The following IL1RAPL1 variants were observed in gnomAD, a reference collection of about 807,000 sequenced individuals.
The protein encoded by IL1RAPL1 is interleukin 1 receptor accessory protein like 1, also known as interleukin-1 receptor accessory protein-like 1.
A neutral mutation model predicts 48.4 loss-of-function variants in IL1RAPL1; 3 were observed. The ratio of observed to expected loss-of-function variants is 0.06; its 90% CI spans 0.03 to 0.16. The LOEUF (loss-of-function observed/expected upper bound fraction) is 0.16, where lower values mean the gene tolerates loss of function less well. Ranked by LOEUF, IL1RAPL1 falls within the 10% of genes least tolerant of loss-of-function variation. The pLI, the probability that IL1RAPL1 is intolerant of heterozygous loss-of-function variation, is 1.00. For missense variants in IL1RAPL1, 349 were observed against 530.6 expected (o/e 0.66, Z 3.36); for synonymous variants, 185 against 187.7 (o/e 0.99, Z 0.12).
intron 2 of IL1RAPL1, among the ~76,000 whole-genome samples, chrX:29,208,736 A>AATAATAAT (rs199568044): frequency 3.3e-4 from 27 of 81,651 alleles, no homozygotes; most frequent in African/African-American, 1.0e-3. Flanking sequence ...TAATAATAAT[A>AATAATAAT]AATAAATAAA....
chrX:29,759,099 A>G (rs1362258368), intron 6 of IL1RAPL1, among the ~76,000 whole-genome samples: 1 of 112,489 alleles, frequency 8.9e-6, no homozygotes, highest in Non-Finnish European at 1.9e-5. Flanking sequence ...TTAGGATTCA[A>G]TGAGTCATAA....
In IL1RAPL1 at chrX:29,370,248, C is replaced by T. The variant is rs968249050; in HGVS notation, c.363-26010C>T. 8.2e-5 allele frequency among the ~76,000 whole-genome samples: 9 copies of T among 110,320 alleles called. No homozygotes were observed. In the East Asian group the frequency reaches 1.4e-3, roughly 17 times the overall value. ...TTTCTCAGAACAGTAATAGAAGATA[C>T]GTTTTTGAAGTGGTAGGATATGAAG... On this transcript the variant is annotated intron_variant, in intron 3 of 10. Transcript: ENST00000378993.
At chrX:28,821,010 A>C (rs1401148865) in intron 2 of IL1RAPL1, among the ~76,000 whole-genome samples, 3 of 111,909 alleles carry the variant, frequency 2.7e-5, no homozygotes, top group Non-Finnish European at 5.6e-5. Context: ...ACAATAGGCA[A>C]CATATAAACC....
intron 2 of IL1RAPL1, among the ~76,000 whole-genome samples, chrX:29,109,624 A>T (rs1184403166): frequency 9.0e-6 from 1 of 111,175 alleles, no homozygotes; most frequent in Non-Finnish European, 1.9e-5. Flanking sequence ...TGTCTCTTGC[A>T]TATTAACCTT....
chrX:28,959,145 G>A (rs1247843832), intron 2 of IL1RAPL1, among the ~76,000 whole-genome samples: 1 of 110,980 alleles, frequency 9.0e-6, no homozygotes, highest in Non-Finnish European at 1.9e-5. Flanking sequence ...TTACTACCCC[G>A]ATATTTGTTT....
intron 5 of IL1RAPL1, among the ~76,000 whole-genome samples, chrX:29,492,497 A>G (rs1342701622): frequency 8.9e-6 from 1 of 111,837 alleles, no homozygotes; most frequent in African/African-American, 3.3e-5. Flanking sequence ...GTCAGCTTCC[A>G]GAAGTTTCTC....
chrX:29,936,464 T>C (rs1323715394), intron 8 of IL1RAPL1, among the ~76,000 whole-genome samples: 1 of 107,301 alleles, frequency 9.3e-6, no homozygotes, highest in Non-Finnish European at 1.9e-5. Context: ...TACACAAAAG[T>C]AAGCCATCTA....
chrX:29,364,579 A>AG (rs1437721045), intron 3 of IL1RAPL1, among the ~76,000 whole-genome samples: 1 of 108,807 alleles, frequency 9.2e-6, no homozygotes, highest in Admixed American at 1.0e-4. Flanking sequence ...AAAAAAAAAA[A>AG]AAAAGAAAAA....
intron 2 of IL1RAPL1, among the ~76,000 whole-genome samples, chrX:28,933,327 A>G (rs1337854438): frequency 9.0e-6 from 1 of 111,508 alleles, no homozygotes; most frequent in Non-Finnish European, 1.9e-5. Context: ...AGTGGCCATC[A>G]TGATATCTAC....
chrX:28,714,314 C>T (rs186640558), intron 1 of IL1RAPL1, among the ~76,000 whole-genome samples: 17 of 111,515 alleles, frequency 1.5e-4, no homozygotes, highest in African/African-American at 5.2e-4. Flanking sequence ...TTAGATACTC[C>T]AATCTTTTTT....
At position 29,923,729 on chromosome X, in the gene IL1RAPL1, T is replaced by G. The variant is rs1292434919; in HGVS notation, c.1057+3635T>G. On this transcript the variant is annotated intron_variant, in intron 8 of 10. Transcript: ENST00000378993. ...ACACACACTGAACACTGACCTTCAGTTCTCCTCCAAAGCTCTGATCTGTCC... is the reference window on the plus strand; with the variant it reads ...ACACACACTGAACACTGACCTTCAGGTCTCCTCCAAAGCTCTGATCTGTCC... 3.6e-5 allele frequency among the ~76,000 whole-genome samples: 4 copies of G among 112,200 alleles called. No individual in the cohort carries two copies. In the East Asian group the frequency reaches 1.1e-3, roughly 31 times the overall value.
chrX:29,175,490 A>G (rs903715059), intron 2 of IL1RAPL1, among the ~76,000 whole-genome samples: 1 of 111,329 alleles, frequency 9.0e-6, no homozygotes, highest in African/African-American at 3.3e-5. Flanking sequence ...TTTTCCATGC[A>G]GAAGAAGAAA....
chrX:29,878,909 A>G (rs937036395), intron 6 of IL1RAPL1, among the ~76,000 whole-genome samples: 1 of 111,955 alleles, frequency 8.9e-6, no homozygotes. Flanking sequence ...CATTTACCAA[A>G]GAGAAATGAA....
intron 2 of IL1RAPL1, among the ~76,000 whole-genome samples, chrX:28,949,591 C>T (rs1027776932): frequency 9.0e-6 from 1 of 111,531 alleles, no homozygotes. Context: ...CACATCCTCT[C>T]CAGCACCTGT....
chrX:29,418,104 TA>T (rs1934240905), intron 5 of IL1RAPL1, among the ~76,000 whole-genome samples: 1 of 45,874 alleles, frequency 2.2e-5, no homozygotes, highest in Non-Finnish European at 3.7e-5. Context: ...TATATATATA[TA>T]TATATATATA....
chrX:28,828,848 T>A (rs67070385), intron 2 of IL1RAPL1, among the ~76,000 whole-genome samples: 6,766 of 111,265 alleles, frequency 0.061, 397 homozygotes, highest in East Asian at 0.24. Context: ...TAATTCCAGA[T>A]GAATTTTAGG....
chrX:29,741,935 G>GAAAAAAAAAA (rs1182352727), intron 6 of IL1RAPL1, among the ~76,000 whole-genome samples: 4 of 61,828 alleles, frequency 6.5e-5, no homozygotes, highest in East Asian at 5.6e-4. Context: ...AAAAAAAAAA[G>GAAAAAAAAAA]AAAAAAAAAA....
intron 6 of IL1RAPL1, among the ~76,000 whole-genome samples, chrX:29,839,161 A>G (rs28541270): frequency 0.031 from 3,491 of 112,393 alleles, 120 homozygotes; most frequent in African/African-American, 0.11. Context: ...GGCCATTATT[A>G]CAACAATCAA....
At chrX:29,812,060 G>C (rs1334476306) in intron 6 of IL1RAPL1, among the ~76,000 whole-genome samples, 1 of 111,830 alleles carries the variant, frequency 8.9e-6, no homozygotes, top group Non-Finnish European at 1.9e-5. Context: ...CAACTTAAAT[G>C]TTGTACAGTA....
Sources: gnomAD v4.1 joint callset for allele counts (sites outside exome capture counted in the v4.1 genomes callset) on GRCh38, gnomAD v4.1.1 for gene constraint, MANE v1.5 for transcripts, NCBI Gene and HGNC (gene_info 2026-07-23, HGNC 2026-07-21) for gene names.